DPP6: variants seen among roughly 807,000 people sequenced by gnomAD.
DPP6 encodes A-type potassium channel modulatory protein DPP6.
In DPP6, 69 loss-of-function variants were observed where a neutral mutation model predicts 122.6. The ratio of observed to expected loss-of-function variants is 0.56; its 90% CI spans 0.46 to 0.69. DPP6 has a LOEUF of 0.69. Ranked by LOEUF, DPP6 falls within the 30% of genes least tolerant of loss-of-function variation. DPP6 has a pLI of 0.00. For synonymous variants in DPP6, 418 were observed against 433.1 expected, an observed-to-expected ratio of 0.97 and a Z score of 0.43; for missense variants, 928 against 1,116.9, an observed-to-expected ratio of 0.83 and a Z score of 2.41.
the DPP6 span, among the ~76,000 whole-genome samples, chr7:153,783,312 C>T: frequency 6.6e-6 from 1 of 152,192 alleles, no homozygotes; most frequent in Non-Finnish European, 1.5e-5. Flanking sequence ...GACACCTCTT[C>T]CCTGGGCAGC....
chr7:154,308,248 G>T (rs1288617860), intron 1 of DPP6, among the ~76,000 whole-genome samples: 2 of 138,228 alleles, frequency 1.4e-5, no homozygotes, highest in Non-Finnish European at 3.2e-5. Context: ...AATTAGGGGG[G>T]AAATTAGAAA....
intron 11 of DPP6, 72 bp downstream of exon 11, chr7:154,794,274 A>G: frequency 6.7e-7 from 1 of 1,484,530 alleles, no homozygotes; most frequent in Non-Finnish European, 9.0e-7. Context: ...AGGTGGCGCC[A>G]GAGTCGTCTC....
At chr7:153,906,912 C>T (rs571356755) in intron 1 of DPP6, among the ~76,000 whole-genome samples, 44 of 152,292 alleles carry the variant, frequency 2.9e-4, no homozygotes, top group African/African-American at 9.6e-4. Flanking sequence ...CATTAATAGA[C>T]GCTTAGATTG....
chr7:154,674,117 C>T (rs568197937), intron 7 of DPP6, among the ~76,000 whole-genome samples: 18 of 152,256 alleles, frequency 1.2e-4, no homozygotes, highest in African/African-American at 3.4e-4. Context: ...CTCAAGTGAT[C>T]CACCCACCTC....
At chr7:154,621,525 C>T (rs1010718234) in intron 5 of DPP6, among the ~76,000 whole-genome samples, 2 of 151,018 alleles carry the variant, frequency 1.3e-5, no homozygotes, top group Non-Finnish European at 2.9e-5. Flanking sequence ...CATGCCACCA[C>T]ACCCAGCTAA....
At chr7:153,924,388 G>T (rs1337559386) in intron 1 of DPP6, among the ~76,000 whole-genome samples, 1 of 152,126 alleles carries the variant, frequency 6.6e-6, no homozygotes, top group Non-Finnish European at 1.5e-5. Context: ...GATTACAGGC[G>T]TGAGCCACTG....
chr7:153,969,412 C>T (rs1285971272), intron 1 of DPP6, among the ~76,000 whole-genome samples: 2 of 146,982 alleles, frequency 1.4e-5, no homozygotes, highest in African/African-American at 2.7e-5. Context: ...ATAAATTTCT[C>T]ATCCTATTGC....
intron 5 of DPP6, among the ~76,000 whole-genome samples, chr7:154,570,378 C>A (rs1831033434): frequency 6.6e-6 from 1 of 151,816 alleles, no homozygotes; most frequent in Non-Finnish European, 1.5e-5. Flanking sequence ...TTAATTTGTC[C>A]ATTTTTATAT....
At position 153,995,312 on chromosome 7, in the gene DPP6, C is replaced by T. The variant is rs112279371; in HGVS notation, c.51+107578C>T. Among the ~76,000 whole-genome samples, 7 of 152,244 alleles carry T rather than the reference C, an allele frequency of 4.6e-5. No individual in the cohort carries two copies. In the East Asian group the frequency reaches 5.8e-4, roughly 13 times the overall value. Reference sequence around the variant, plus strand: ...TTTTAAGAAGGAATGAAGGGCTGGGCGCGGTGGCTTATGCCTGTAATCCCA... The same window carrying T: ...TTTTAAGAAGGAATGAAGGGCTGGGTGCGGTGGCTTATGCCTGTAATCCCA... On this transcript the variant is annotated intron_variant, in intron 1 of 25. Coordinates refer to the DPP6 transcript ENST00000404039.
chr7:153,934,354 T>C (rs1280625888), intron 1 of DPP6, among the ~76,000 whole-genome samples: 1 of 151,818 alleles, frequency 6.6e-6, no homozygotes, highest in East Asian at 1.9e-4. Flanking sequence ...TTTTTTTCCA[T>C]CAAGGCTGTT....
intron 1 of DPP6, among the ~76,000 whole-genome samples, chr7:154,196,757 G>C (rs1798888800): frequency 6.6e-6 from 1 of 152,116 alleles, no homozygotes; most frequent in African/African-American, 2.4e-5. Flanking sequence ...AAGCTGCAGG[G>C]AGCCTTCACC....
intron 1 of DPP6, among the ~76,000 whole-genome samples, chr7:153,889,858 T>C (rs1402423224): frequency 6.6e-6 from 1 of 152,238 alleles, no homozygotes; most frequent in African/African-American, 2.4e-5. Flanking sequence ...TGAATGTTCT[T>C]ATCAATTCTT....
intron 1 of DPP6, among the ~76,000 whole-genome samples, chr7:154,373,583 C>T (rs1338223886): frequency 6.6e-6 from 1 of 152,166 alleles, no homozygotes; most frequent in African/African-American, 2.4e-5. Context: ...ACAATTTTTG[C>T]ATTTATTTCT....
intron 6 of DPP6, among the ~76,000 whole-genome samples, chr7:154,645,286 C>G (rs1299338793): frequency 1.3e-5 from 2 of 151,704 alleles, no homozygotes; most frequent in Admixed American, 1.3e-4. Context: ...AGGATGGTCT[C>G]GATCTCCTGA....
rs144667058 is a variant in DPP6, at chr7:154,719,696, C to T, written c.763-8071C>T. ...GGGCCCTCCGTGGAGGCCAGGCACC[C>T]GGCATGCAGTTCCCCTGCCTCCCTT... is the stretch of plus-strand genomic sequence containing the variant. On this transcript the variant is annotated intron_variant, in intron 7 of 25. Transcript: ENST00000377770. Among the ~76,000 whole-genome samples, 494 of 152,336 alleles carry T rather than the reference C, an allele frequency of 3.2e-3. 3 individuals are homozygous for T. Among genetic ancestry groups the T allele is most frequent in the African/African-American group, 0.011 (467 of 41,586 alleles).
intron 1 of DPP6, among the ~76,000 whole-genome samples, chr7:154,184,873 CAA>C (rs1214104460): frequency 6.6e-6 from 1 of 152,080 alleles, no homozygotes; most frequent in Admixed American, 6.5e-5. Context: ...TTACTCAGAG[CAA>C]AAGTTTTCTG....
chr7:154,256,706 C>T (rs1304213215), intron 1 of DPP6, among the ~76,000 whole-genome samples: 1 of 152,122 alleles, frequency 6.6e-6, no homozygotes, highest in Non-Finnish European at 1.5e-5. Flanking sequence ...CTTTGAGAAT[C>T]GTCATTGTGG....
At chr7:154,539,801 G>T (rs989859886) in intron 3 of DPP6, among the ~76,000 whole-genome samples, 4 of 151,366 alleles carry the variant, frequency 2.6e-5, no homozygotes, top group Admixed American at 2.6e-4. Flanking sequence ...AAAAATTATT[G>T]GTGTATTTAT....
At chr7:153,872,023 T>C in the DPP6 span, among the ~76,000 whole-genome samples, 4 of 152,212 alleles carry the variant, frequency 2.6e-5, no homozygotes, top group Non-Finnish European at 1.5e-5. Context: ...ACATTAACAG[T>C]ACTAATATTC....
Sources: allele counts gnomAD v4.1 joint callset (sites outside exome capture counted in the v4.1 genomes callset), GRCh38; gene constraint gnomAD v4.1.1; transcripts MANE v1.5; gene names NCBI Gene and HGNC (gene_info 2026-07-23, HGNC 2026-07-21).